GLT1D1: variants seen among roughly 807,000 people sequenced by gnomAD.
GLT1D1 encodes the protein glycosyltransferase 1 domain containing 1.
In GLT1D1, 21 loss-of-function variants were observed where a neutral mutation model predicts 28.7. The observed-to-expected ratio is 0.73, with a 90% CI of 0.52 to 1.05. The LOEUF (loss-of-function observed/expected upper bound fraction) is 1.05. Among genes scored for constraint, GLT1D1 ranks in the 50% least tolerant of loss-of-function variants. The pLI, the probability that GLT1D1 is intolerant of heterozygous loss-of-function variation, is 0.00. For synonymous variants in GLT1D1, 147 were observed against 124.8 expected (o/e 1.18, Z -1.19); for missense variants, 343 against 330.6 (o/e 1.04, Z -0.29).
At chr12:128,912,810 G>T (rs1593122557) in intron 4 of GLT1D1, among the ~76,000 whole-genome samples, 1 of 151,960 alleles carries the variant, frequency 6.6e-6, no homozygotes, top group African/African-American at 2.4e-5. Flanking sequence ...CTATAGGCAG[G>T]CATGAGCCGC....
chr12:128,930,646 C>G (rs1236207455), intron 4 of GLT1D1, among the ~76,000 whole-genome samples: 2 of 152,142 alleles, frequency 1.3e-5, no homozygotes, highest in Non-Finnish European at 1.5e-5. Context: ...GTCGCAATGT[C>G]TGGCTTTTTC....
intron 6 of GLT1D1, among the ~76,000 whole-genome samples, chr12:128,950,299 A>G (rs1049376103): frequency 1.3e-5 from 2 of 152,230 alleles, no homozygotes; most frequent in African/African-American, 4.8e-5. Context: ...ATGATTGAAC[A>G]CTTCAGCTAT....
At chr12:128,855,223 T>TAAAAA (rs771286662) in intron 1 of GLT1D1, among the ~76,000 whole-genome samples, 20 of 81,328 alleles carry the variant, frequency 2.5e-4, no homozygotes, top group South Asian at 6.3e-4. Context: ...AGACTCCATC[T>TAAAAA]AAAAAAAAAA....
intron 3 of GLT1D1, among the ~76,000 whole-genome samples, chr12:128,895,710 C>T (rs1040057176): frequency 1.3e-5 from 2 of 152,046 alleles, no homozygotes; most frequent in Non-Finnish European, 2.9e-5. Context: ...CCTCCCCCCT[C>T]GGCCTCCCAA....
At position 128,950,505 on chromosome 12, in the gene GLT1D1, G is replaced by A. The variant is rs534058630; in HGVS notation, c.540+3047G>A. ...CTTAGTAAAAACCATTAAAATGCAA[G>A]CCGACCTCTCTGCAAGAAAATCTAG... On this transcript the variant is annotated intron_variant, in intron 6 of 7. Coordinates refer to ENST00000281703, the MANE Select transcript of GLT1D1 (RefSeq NM_144669.3). Among the ~76,000 whole-genome samples the A allele has an allele frequency of 3.9e-5, 6 of 152,270 alleles. No homozygotes were observed. The South Asian group carries it at 1.2e-3, about 32-fold the overall frequency.
intron 4 of GLT1D1, among the ~76,000 whole-genome samples, chr12:128,902,672 C>T (rs1011131785): frequency 6.6e-6 from 1 of 151,528 alleles, no homozygotes; most frequent in Non-Finnish European, 1.5e-5. Flanking sequence ...TTATAGACCT[C>T]AACCAAAACA....
At chr12:128,941,905 CTTTTTTTTT>C (rs60663875) in intron 4 of GLT1D1, among the ~76,000 whole-genome samples, 47 of 75,354 alleles carry the variant, frequency 6.2e-4, no homozygotes, top group African/African-American at 2.1e-3. Flanking sequence ...CTCTCTCTCT[CTTTTTTTTT>C]TTTTTTTTTT....
chr12:128,949,126 G>A (rs939288866), intron 6 of GLT1D1, among the ~76,000 whole-genome samples: 4 of 152,158 alleles, frequency 2.6e-5, no homozygotes, highest in East Asian at 1.9e-4. Flanking sequence ...TATGCTTATG[G>A]TACCAGTATT....
chr12:128,902,801 G>C (rs1324924346), intron 4 of GLT1D1, among the ~76,000 whole-genome samples: 1 of 151,466 alleles, frequency 6.6e-6, no homozygotes, highest in Non-Finnish European at 1.5e-5. Flanking sequence ...CCAGCACTTT[G>C]GGAGGCTGAG....
intron 7 of GLT1D1, among the ~76,000 whole-genome samples, chr12:128,966,159 G>A (rs1223579603): frequency 4.6e-5 from 7 of 152,222 alleles, no homozygotes; most frequent in Non-Finnish European, 1.5e-5. Flanking sequence ...TTCAATGAGC[G>A]GCTGGGAGTA....
intron 6 of GLT1D1, among the ~76,000 whole-genome samples, chr12:128,957,112 G>A (rs1271007401): frequency 6.6e-6 from 1 of 152,132 alleles, no homozygotes; most frequent in Non-Finnish European, 1.5e-5. Context: ...TTTTACTTTT[G>A]TCTGCATGTC....
intron 4 of GLT1D1, among the ~76,000 whole-genome samples, chr12:128,938,073 G>A (rs1342164054): frequency 6.6e-6 from 1 of 152,224 alleles, no homozygotes. Flanking sequence ...AGAGGCAGCA[G>A]AGCATAGTTT....
chr12:128,865,180 C>T (rs2135769883), intron 1 of GLT1D1, among the ~76,000 whole-genome samples: 1 of 152,330 alleles, frequency 6.6e-6, no homozygotes, highest in Non-Finnish European at 1.5e-5. Context: ...CCCTCAGTGA[C>T]ATAACCTTCC....
At chr12:128,965,072 C>T (rs987467894) in intron 7 of GLT1D1, among the ~76,000 whole-genome samples, 1 of 152,172 alleles carries the variant, frequency 6.6e-6, no homozygotes, top group Non-Finnish European at 1.5e-5. Flanking sequence ...TGGTGTTCGG[C>T]TGTTATGGTA....
At chr12:128,908,221 C>T (rs1871087510) in intron 4 of GLT1D1, among the ~76,000 whole-genome samples, 1 of 152,144 alleles carries the variant, frequency 6.6e-6, no homozygotes, top group African/African-American at 2.4e-5. Context: ...ATTGTGTTAA[C>T]TTCATCTCTA....
At chr12:128,949,357 A>G (rs1230140115) in intron 6 of GLT1D1, among the ~76,000 whole-genome samples, 2 of 152,200 alleles carry the variant, frequency 1.3e-5, no homozygotes, top group East Asian at 1.9e-4. Context: ...GAAAACTCCA[A>G]AATAACCTTT....
intron 6 of GLT1D1, among the ~76,000 whole-genome samples, chr12:128,952,163 T>C (rs1876757452): frequency 6.6e-6 from 1 of 151,970 alleles, no homozygotes; most frequent in Admixed American, 6.6e-5. Context: ...AAAGAAGGAC[T>C]GGGAGATGGG....
intron 4 of GLT1D1, among the ~76,000 whole-genome samples, chr12:128,934,266 C>T (rs1025144046): frequency 3.5e-5 from 5 of 143,580 alleles, no homozygotes; most frequent in South Asian, 4.6e-4. Flanking sequence ...TGAAGTGGCA[C>T]GATCTCGGCT....
chr12:128,907,056 G>A, intron 4 of GLT1D1: 1 of 679,126 alleles, frequency 1.5e-6, no homozygotes, highest in Non-Finnish European at 2.7e-6. Context: ...GCTGTCTTTT[G>A]AGCTACTTAT....
Sources: allele counts gnomAD v4.1 joint callset (sites outside exome capture counted in the v4.1 genomes callset), GRCh38; gene constraint gnomAD v4.1.1; transcripts MANE v1.5; gene names NCBI Gene and HGNC (gene_info 2026-07-23, HGNC 2026-07-21).